The following DNAAF9 variants were observed in gnomAD, a reference collection of about 807,000 sequenced individuals.
The protein encoded by DNAAF9 is shulin.
In DNAAF9, 90 loss-of-function variants were observed where a neutral mutation model predicts 167.0. The observed-to-expected ratio is 0.54, with a 90% CI of 0.45 to 0.64. The LOEUF (loss-of-function observed/expected upper bound fraction) is 0.64, where lower values mean the gene tolerates loss of function less well. Ranked by LOEUF, DNAAF9 falls within the 30% of genes least tolerant of loss-of-function variation. The probability of loss-of-function intolerance (pLI) is 0.00; values close to 1 mark genes in which losing one functional copy is unlikely to be tolerated. For synonymous variants in DNAAF9, 491 were observed against 508.8 expected, an observed-to-expected ratio of 0.96 and a Z score of 0.47; for missense variants, 1,315 against 1,442.2, an observed-to-expected ratio of 0.91 and a Z score of 1.43.
chr20:3,335,706 G>A (rs187608879), intron 10 of DNAAF9, among the ~76,000 whole-genome samples: 110 of 133,274 alleles, frequency 8.3e-4, no homozygotes, highest in East Asian at 6.3e-3. Flanking sequence ...GCAGTGAGCC[G>A]AGATCATGCC....
chr20:3,406,937 C>A (rs2084067294), intron 1 of DNAAF9, among the ~76,000 whole-genome samples: 1 of 151,932 alleles, frequency 6.6e-6, no homozygotes, highest in South Asian at 2.1e-4. Flanking sequence ...TTTAAGGAAG[C>A]CGTTGTCAAG....
chr20:3,387,328 TAA>T (rs2083756744), intron 1 of DNAAF9, among the ~76,000 whole-genome samples: 1 of 152,012 alleles, frequency 6.6e-6, no homozygotes, highest in Non-Finnish European at 1.5e-5. Context: ...TGAAACAGAA[TAA>T]AGAGACCAGA....
At chr20:3,351,474 G>A (rs2070323017) in intron 7 of DNAAF9, among the ~76,000 whole-genome samples, 1 of 149,326 alleles carries the variant, frequency 6.7e-6, no homozygotes, top group South Asian at 2.1e-4. Flanking sequence ...ACAAGAGTGA[G>A]ACTCCATCTC....
At chr20:3,301,334 C>T (rs2069186081) in intron 21 of DNAAF9, among the ~76,000 whole-genome samples, 1 of 152,156 alleles carries the variant, frequency 6.6e-6, no homozygotes, top group African/African-American at 2.4e-5. Flanking sequence ...ACTACAGGTG[C>T]ACAGCACCAT....
rs2069844646 is a variant in DNAAF9, at chr20:3,332,293, A to G, written c.1050T>C (p.His350=). The G allele has an allele frequency of 1.9e-6, 3 of 1,581,528 alleles. No homozygotes were observed. In the East Asian group the frequency reaches 6.7e-5, roughly 35 times the overall value. Residue 350 remains histidine, a synonymous_variant, in exon 11 of 37, where the codon CAT becomes CAC. Coordinates refer to ENST00000252032, the MANE Select transcript of DNAAF9 (RefSeq NM_001009984.3). ...ATAGGGACTTACCCAAGTAAGGAAC[A>G]TGAGTAGCTCCAAAAAAGTATGTTC... ...CSRTYFFGAT[H]VPYLGGDSKL... is the part of the protein sequence containing the mutation.
At chr20:3,255,817 C>A (rs2068269905) in intron 34 of DNAAF9, among the ~76,000 whole-genome samples, 189 bp downstream of exon 34, 1 of 152,234 alleles carries the variant, frequency 6.6e-6, no homozygotes, top group African/African-American at 2.4e-5. Context: ...CATAGCAGGC[C>A]TGCCTGGAGT....
At chr20:3,295,857 C>T (rs1022002329) in intron 23 of DNAAF9, 28 of 1,002,270 alleles carry the variant, frequency 2.8e-5, no homozygotes, top group Non-Finnish European at 4.3e-5. Flanking sequence ...CCCCAAACGA[C>T]ATCCTTTAAT....
intron 8 of DNAAF9, among the ~76,000 whole-genome samples, chr20:3,345,092 T>C (rs6037561): frequency 0.74 from 112,643 of 151,936 alleles, 41,999 homozygotes; most frequent in African/African-American, 0.82. Context: ...GATTTCAGCT[T>C]ACTGCAACTT....
chr20:3,389,984 C>T lies in DNAAF9; in HGVS notation c.84-7478G>A, dbSNP rs566366653. On this transcript the variant is annotated intron_variant, in intron 1 of 36. Transcript: ENST00000252032. ...CTGGAAGGCAGAGGCTGCAGTGAGC[C>T]AAGATCACGCCACTGTACTCCAGCC... is the stretch of plus-strand genomic sequence containing the variant. Among the ~76,000 whole-genome samples, 4 of 146,612 alleles carry T rather than the reference C, an allele frequency of 2.7e-5. No individual in the cohort carries two copies. In the South Asian group the frequency reaches 8.5e-4, roughly 31 times the overall value.
At position 3,379,385 on chromosome 20, in the gene DNAAF9, G is replaced by A. The variant is rs142911108; in HGVS notation, c.283+1994C>T. 4.4e-3 allele frequency among the ~76,000 whole-genome samples: 675 copies of A among 152,060 alleles called. 11 individuals are homozygous for A. The highest frequency in any genetic ancestry group is 0.014 in the African/African-American group (595 of 41,536). On this transcript the variant is annotated intron_variant, in intron 3 of 36. Coordinates refer to ENST00000252032, the MANE Select transcript of DNAAF9 (RefSeq NM_001009984.3). ...CCAACACTGTGAGGCCAAGGCAAGC[G>A]GAGTTCAAGACCAGCCTGGCCAACA...
chr20:3,378,993 C>T (rs1391389950), intron 3 of DNAAF9, among the ~76,000 whole-genome samples: 1 of 151,606 alleles, frequency 6.6e-6, no homozygotes, highest in Non-Finnish European at 1.5e-5. Context: ...CCTCTCATCT[C>T]TCAGCATATT....
In DNAAF9 at chr20:3,290,626, T is replaced by C. The variant is rs1006285452; in HGVS notation, c.2239-409A>G. 7.9e-5 allele frequency among the ~76,000 whole-genome samples: 12 copies of C among 152,092 alleles called. 1 individual carries two copies. The highest frequency in any genetic ancestry group is 7.9e-4 in the Admixed American group (12 of 15,268). ...ATATTATGACTTTTTTTCCCAGTAG[T>C]AACTATTTCTTAGGAAAACACTGGG... is the stretch of plus-strand genomic sequence containing the variant. On this transcript the variant is annotated intron_variant, in intron 25 of 36. Coordinates refer to ENST00000252032, the MANE Select transcript of DNAAF9 (RefSeq NM_001009984.3).
intron 16 of DNAAF9, among the ~76,000 whole-genome samples, chr20:3,321,277 T>C (rs148859677): frequency 6.6e-6 from 1 of 152,300 alleles, no homozygotes; most frequent in East Asian, 1.9e-4. Flanking sequence ...GTGTGAACAT[T>C]GTAGAGTGTA....
At position 3,268,897 on chromosome 20, in the gene DNAAF9, C is replaced by CTTTTTTTTTTTTTTT. The variant is rs386393120; in HGVS notation, c.2786+1515_2786+1529dup. The stretch of plus-strand genomic sequence containing the variant: ...GTAAAGAGATAATATCTCTATGTTA[C>CTTTTTTTTTTTTTTT]TTTTTTTTTTTTTTTTTTTTTTTTG... On this transcript the variant is annotated intron_variant, in intron 30 of 36. Coordinates refer to ENST00000252032, the MANE Select transcript of DNAAF9 (RefSeq NM_001009984.3). Among the ~76,000 whole-genome samples the CTTTTTTTTTTTTTTT allele has an allele frequency of 9.9e-4, 85 of 85,836 alleles. 11 individuals are homozygous for CTTTTTTTTTTTTTTT. Among genetic ancestry groups the CTTTTTTTTTTTTTTT allele is most frequent in the African/African-American group, 2.7e-3 (58 of 21,490 alleles). 56.3% of individuals were successfully genotyped at this position (85,836 alleles called of 152,430 possible).
At chr20:3,363,936 A>G (rs1234677642) in intron 6 of DNAAF9, among the ~76,000 whole-genome samples, 1 of 151,868 alleles carries the variant, frequency 6.6e-6, no homozygotes, top group South Asian at 2.1e-4. Flanking sequence ...CTCATCTTAG[A>G]TATTGTAGTT....
chr20:3,360,189 C>G (rs1478877765), intron 6 of DNAAF9: 1 of 152,188 alleles, frequency 6.6e-6, no homozygotes, highest in Non-Finnish European at 1.5e-5. Context: ...GAACTCACTT[C>G]ATTTTATTTT....
chr20:3,332,613 C>T (rs112743419), intron 10 of DNAAF9, among the ~76,000 whole-genome samples: 1 of 151,476 alleles, frequency 6.6e-6, no homozygotes, highest in Admixed American at 6.6e-5. Flanking sequence ...GCCATCACAC[C>T]CAGCTAATTT....
chr20:3,270,611 G>T (rs1465255009), intron 29 of DNAAF9, 49 bp from the exon 30 acceptor site: 4 of 1,571,394 alleles, frequency 2.5e-6, no homozygotes, highest in Non-Finnish European at 3.5e-6. Flanking sequence ...CTGGTTAGGG[G>T]TGAAGGCTCA....
intron 1 of DNAAF9, among the ~76,000 whole-genome samples, chr20:3,394,322 G>C (rs2083869183): frequency 6.8e-6 from 1 of 146,778 alleles, no homozygotes; most frequent in South Asian, 2.2e-4. Context: ...CTGGAGACAA[G>C]AGTGAAACTC....
Sources: allele counts gnomAD v4.1 joint callset (sites outside exome capture counted in the v4.1 genomes callset), GRCh38; gene constraint gnomAD v4.1.1; transcripts MANE v1.5; gene names NCBI Gene and HGNC (gene_info 2026-07-23, HGNC 2026-07-21).